The following XRN2 variants were observed in gnomAD, a reference collection of about 807,000 sequenced individuals.
XRN2 encodes 5'-3' exoribonuclease 2, also known as DHM1-like protein.
Under a neutral mutation model 138.5 loss-of-function variants are expected in XRN2, and 44 were observed. The ratio of observed to expected loss-of-function variants is 0.32; its 90% CI spans 0.25 to 0.41. The LOEUF (loss-of-function observed/expected upper bound fraction) is 0.41. Ranked by LOEUF, XRN2 falls within the 10% of genes least tolerant of loss-of-function variation. XRN2 has a pLI of 1.00. For missense variants in XRN2, 937 were observed against 1,169.3 expected (o/e 0.80, Z 2.90); for synonymous variants, 354 against 369.4 (o/e 0.96, Z 0.48).
At chr20:21,353,223 GAT>G (rs869071652) in intron 20 of XRN2, among the ~76,000 whole-genome samples, 1,856 of 113,422 alleles carry the variant, frequency 0.016, 12 homozygotes, top group African/African-American at 0.021. Flanking sequence ...TAGTGGGTAG[GAT>G]ATATATATAT....
At chr20:21,313,336 C>T (rs1013322891) in intron 1 of XRN2, among the ~76,000 whole-genome samples, 1 of 152,190 alleles carries the variant, frequency 6.6e-6, no homozygotes, top group Admixed American at 6.5e-5. Context: ...CATTTGTTGC[C>T]AGCTGGGAAT....
chr20:21,362,825 TTG>T (rs781150678), intron 24 of XRN2, among the ~76,000 whole-genome samples: 115 of 152,318 alleles, frequency 7.5e-4, no homozygotes, highest in Non-Finnish European at 1.5e-3. Flanking sequence ...AGGTAGCAGT[TTG>T]TGTCCTGTAT....
chr20:21,312,238 G>A (rs1600669508), intron 1 of XRN2, among the ~76,000 whole-genome samples: 1 of 151,400 alleles, frequency 6.6e-6, no homozygotes. Flanking sequence ...TCAGCCTCCC[G>A]AGTAGCTGGG....
chr20:21,350,857 T>G (rs2038501055), intron 20 of XRN2, among the ~76,000 whole-genome samples: 1 of 152,150 alleles, frequency 6.6e-6, no homozygotes, highest in Non-Finnish European at 1.5e-5. Flanking sequence ...GGAATGATCA[T>G]GGAAGTGCAC....
chr20:21,348,277 T>G, intron 18 of XRN2, 24 bp downstream of exon 18: 1 of 1,612,232 alleles, frequency 6.2e-7, no homozygotes, highest in Non-Finnish European at 8.5e-7. Flanking sequence ...CTTAAAGTCA[T>G]AAAGTTTATA....
chr20:21,348,304 A>G, intron 18 of XRN2, 37 bp from the exon 19 acceptor site: 1 of 1,612,146 alleles, frequency 6.2e-7, no homozygotes, highest in Non-Finnish European at 8.5e-7. Flanking sequence ...TGGATTAGAT[A>G]ATAATCTTGG....
intron 15 of XRN2, among the ~76,000 whole-genome samples, chr20:21,343,218 T>C (rs185163025): frequency 4.4e-4 from 67 of 152,258 alleles, no homozygotes; most frequent in Non-Finnish European, 7.1e-4. Context: ...CTGCCCCTTA[T>C]GTTTTTGGTG....
intron 17 of XRN2, 152 bp from the exon 18 acceptor site, chr20:21,347,994 A>C: frequency 1.8e-6 from 1 of 565,310 alleles, no homozygotes; most frequent in Non-Finnish European, 2.9e-6. Context: ...TTTAGGAGTC[A>C]TGGAAAAGAT....
At chr20:21,317,877 T>C (rs904323668) in intron 1 of XRN2, among the ~76,000 whole-genome samples, 1 of 152,264 alleles carries the variant, frequency 6.6e-6, no homozygotes, top group Non-Finnish European at 1.5e-5. Context: ...TTTGCATCCA[T>C]GCTCATAAGA....
intron 27 of XRN2, among the ~76,000 whole-genome samples, chr20:21,374,545 T>C (rs1325777169): frequency 6.6e-6 from 1 of 152,166 alleles, no homozygotes; most frequent in African/African-American, 2.4e-5. Context: ...CTTTTTTCTC[T>C]AAAACCTGGG....
rs1276598662 is a variant in XRN2, at chr20:21,339,052, T to C, written c.1242T>C (p.Phe414=). Residue 414 remains phenylalanine (F), a synonymous_variant, in exon 14 of 30, where the codon TTT becomes TTC. Transcript: ENST00000377191. ...FKKRKDDEDS[F]RRRQKEKRKR... is the part of the protein sequence containing the mutation. ...GGATTTTATACTTTTAGGACAGTTT[T>C]AGAAGACGACAGAAAGAAAAAAGAA... The C allele has an allele frequency of 1.9e-6, 3 of 1,606,212 alleles. No homozygotes were observed. The highest frequency in any genetic ancestry group is 3.4e-5 in the Admixed American group (2 of 59,124).
Position 21,349,448 on chromosome 20 carries a change from A to G in XRN2, c.1923A>G (p.Lys641=). The change falls in exon 20 of 30, where the codon AAA becomes AAG. Residue 641 remains lysine, a synonymous_variant. Transcript: ENST00000377191. ...EDFAIDLNGK[K]YAWQGVALLP... ...TTGCTATTGATTTGAATGGGAAGAA[A>G]TATGCATGGCAAGGTAAAATTTAGA... 6.2e-7 allele frequency: 1 copy of G among 1,606,854 alleles called. No homozygotes were observed. The highest frequency in any genetic ancestry group is 8.5e-7 in the Non-Finnish European group (1 of 1,173,918).
intron 23 of XRN2, among the ~76,000 whole-genome samples, chr20:21,357,269 A>G (rs1018712123): frequency 1.3e-5 from 2 of 152,206 alleles, no homozygotes; most frequent in Non-Finnish European, 2.9e-5. Flanking sequence ...GAGTTTGTGA[A>G]CCACATGTCA....
At chr20:21,346,059 A>G (rs1049975318) in intron 16 of XRN2, among the ~76,000 whole-genome samples, 2 of 152,236 alleles carry the variant, frequency 1.3e-5, no homozygotes, top group East Asian at 3.8e-4. Context: ...AATATCTTCA[A>G]TATTTGAATC....
chr20:21,366,428 G>A (rs2122312206), intron 26 of XRN2, among the ~76,000 whole-genome samples: 1 of 150,790 alleles, frequency 6.6e-6, no homozygotes, highest in Non-Finnish European at 1.5e-5. Context: ...CAGGCGCCTG[G>A]CGCCTGTAGA....
At chr20:21,310,580 A>G (rs1229663570) in intron 1 of XRN2, among the ~76,000 whole-genome samples, 1 of 152,068 alleles carries the variant, frequency 6.6e-6, no homozygotes, top group African/African-American at 2.4e-5. Flanking sequence ...TTTGCTCAGA[A>G]ATCTATTTTA....
At chr20:21,361,070 A>G (rs992659257) in intron 24 of XRN2, among the ~76,000 whole-genome samples, 1 of 152,260 alleles carries the variant, frequency 6.6e-6, no homozygotes, top group Non-Finnish European at 1.5e-5. Context: ...ACTCTCTAAC[A>G]GTAATACTTA....
intron 1 of XRN2, among the ~76,000 whole-genome samples, chr20:21,309,975 T>G (rs999211054): frequency 6.6e-6 from 1 of 152,198 alleles, no homozygotes; most frequent in Admixed American, 6.5e-5. Context: ...TTATATGTAT[T>G]TGTTATGCTT....
At chr20:21,333,682 C>T in intron 10 of XRN2, 22 bp from the exon 11 acceptor site, 1 of 1,614,024 alleles carries the variant, frequency 6.2e-7, no homozygotes, top group South Asian at 1.1e-5. Context: ...GCTGTAATGG[C>T]AGCATTCCTT....
Sources: allele counts gnomAD v4.1 joint callset (sites outside exome capture counted in the v4.1 genomes callset), GRCh38; gene constraint gnomAD v4.1.1; transcripts MANE v1.5; gene names NCBI Gene and HGNC (gene_info 2026-07-23, HGNC 2026-07-21).